The following SPAG1 variants were observed in gnomAD, a reference collection of about 807,000 sequenced individuals.
The protein encoded by SPAG1 is sperm associated antigen 1, also known as sperm-associated antigen 1.
Under a neutral mutation model 100.5 loss-of-function variants are expected in SPAG1, and 69 were observed. The observed-to-expected ratio is 0.69, with a 90% CI of 0.57 to 0.84. The LOEUF (loss-of-function observed/expected upper bound fraction) is 0.84. SPAG1 is among the 40% of genes least tolerant of loss of function. The pLI, the probability that SPAG1 is intolerant of heterozygous loss-of-function variation, is 0.00. For synonymous variants in SPAG1, 336 were observed against 411.6 expected (o/e 0.82, Z 2.22); for missense variants, 955 against 1,133.1 (o/e 0.84, Z 2.26).
chr8:100,234,950 A>C (rs1350872604), intron 16 of SPAG1, among the ~76,000 whole-genome samples: 1 of 152,170 alleles, frequency 6.6e-6, no homozygotes, highest in Non-Finnish European at 1.5e-5. Flanking sequence ...GAGGAAGGTA[A>C]GTGAGAGATC....
intron 10 of SPAG1, among the ~76,000 whole-genome samples, chr8:100,201,749 G>A (rs990011923): frequency 2.6e-5 from 4 of 152,092 alleles, no homozygotes; most frequent in African/African-American, 7.2e-5. Context: ...ACCCTCCCCA[G>A]AGAGGGTCCT....
chr8:100,222,209 G>T (rs773205672), intron 13 of SPAG1, among the ~76,000 whole-genome samples: 24 of 152,138 alleles, frequency 1.6e-4, no homozygotes, highest in Non-Finnish European at 2.9e-4. Flanking sequence ...TACTTGCCCT[G>T]ATCCACTGTC....
intron 14 of SPAG1, among the ~76,000 whole-genome samples, chr8:100,225,998 GTT>G (rs57004927): frequency 3.5e-4 from 46 of 132,044 alleles, no homozygotes; most frequent in Middle Eastern, 3.8e-3. Context: ...ATGCCAGCTA[GTT>G]TTTTTTTTTT....
intron 3 of SPAG1, 130 bp from the exon 4 acceptor site, chr8:100,177,686 T>G: frequency 2.2e-6 from 1 of 459,652 alleles, no homozygotes; most frequent in Non-Finnish European, 3.6e-6. Context: ...ATATTTTTAC[T>G]GAAAAAAATC....
chr8:100,226,776 GA>G (rs1334857955), intron 14 of SPAG1, among the ~76,000 whole-genome samples: 2 of 152,056 alleles, frequency 1.3e-5, no homozygotes, highest in Non-Finnish European at 2.9e-5. Context: ...GAATAAGACT[GA>G]TATGTTTAAA....
intron 15 of SPAG1, among the ~76,000 whole-genome samples, chr8:100,232,044 C>T (rs909366650): frequency 6.6e-6 from 1 of 151,928 alleles, no homozygotes; most frequent in Non-Finnish European, 1.5e-5. Context: ...TCATTTATAG[C>T]GTGCAGCAGG....
chr8:100,164,503 C>A (rs1386581089), intron 2 of SPAG1, among the ~76,000 whole-genome samples: 1 of 152,196 alleles, frequency 6.6e-6, no homozygotes, highest in Non-Finnish European at 1.5e-5. Flanking sequence ...CGGTTCACTG[C>A]AACCTCTGCC....
chr8:100,240,440 G>A lies in SPAG1; in HGVS notation c.2318G>A (p.Gly773Glu). The A allele has an allele frequency of 6.2e-7, 1 of 1,611,568 alleles. No individual in the cohort carries two copies. ...AAGGAGGAGCCTGGAAGACCTGCAG[G>A]GGAGGTCTCCATGGGATGCCTTGCT... The part of the protein sequence containing the change: ...EGKEEPGRPA[G>E]EVSMGCLASE... Residue 773 changes from glycine (G) to glutamate (E), a missense_variant, in exon 18 of 19, where the codon GGG becomes GAG. Transcript: ENST00000388798.
intron 10 of SPAG1, among the ~76,000 whole-genome samples, chr8:100,198,370 A>G (rs1449652879): frequency 6.6e-6 from 1 of 152,180 alleles, no homozygotes; most frequent in Non-Finnish European, 1.5e-5. Context: ...ACAAATGACA[A>G]ACTAGGAAAG....
At chr8:100,208,807 A>C (rs1232169956) in intron 10 of SPAG1, among the ~76,000 whole-genome samples, 1 of 152,090 alleles carries the variant, frequency 6.6e-6, no homozygotes, top group Non-Finnish European at 1.5e-5. Flanking sequence ...TGTACAAAGG[A>C]TAGTTGTATT....
At chr8:100,193,687 T>G (rs1246917846) in intron 9 of SPAG1, among the ~76,000 whole-genome samples, 8 of 152,126 alleles carry the variant, frequency 5.3e-5, no homozygotes. Flanking sequence ...GAGGCTGAGG[T>G]GAGAGGATTG....
chr8:100,213,272 GCGGCGGGCGGCGGCGCCACCGGGCATC>G lies in SPAG1; in HGVS notation c.1283_1309del (p.Ala428_Pro436del). The G allele has an allele frequency of 1.6e-6, 2 of 1,212,874 alleles. No individual in the cohort carries two copies. Among genetic ancestry groups the G allele is most frequent in the South Asian group, 4.1e-5 (1 of 24,410 alleles). 75.1% of individuals were successfully genotyped at this position (1,212,874 alleles called of 1,614,324 possible). ...CCCACGGCGGGCCTCTGCGGCGGCG[GCGGCGGGCGGCGGCGCCACCGGGCATC>G]CGGGCGGCGGGCAGGGCGCGGAGAA... On this transcript the variant is annotated inframe_deletion, in exon 11 of 19. Transcript: ENST00000388798.
chr8:100,197,577 T>C (rs2132300237), intron 10 of SPAG1, among the ~76,000 whole-genome samples: 1 of 152,282 alleles, frequency 6.6e-6, no homozygotes, highest in East Asian at 1.9e-4. Context: ...AAAATCATGT[T>C]AAAGCCCAGA....
intron 2 of SPAG1, among the ~76,000 whole-genome samples, chr8:100,162,756 T>A (rs1199855336): frequency 6.6e-6 from 1 of 152,084 alleles, no homozygotes; most frequent in Non-Finnish European, 1.5e-5. Context: ...AGCAGGTGGA[T>A]CATTTGAGCT....
chr8:100,218,950 G>C (rs888459135), intron 12 of SPAG1, among the ~76,000 whole-genome samples: 12 of 152,192 alleles, frequency 7.9e-5, no homozygotes, highest in African/African-American at 2.9e-4. Flanking sequence ...TCATGACCCA[G>C]GTGATCTAGG....
At chr8:100,199,470 A>T (rs969758571) in intron 10 of SPAG1, among the ~76,000 whole-genome samples, 1 of 151,812 alleles carries the variant, frequency 6.6e-6, no homozygotes, top group Non-Finnish European at 1.5e-5. Flanking sequence ...GTTGAGATGG[A>T]TTTTCACTCT....
Position 100,213,249 on chromosome 8 carries a change from C to G in SPAG1, c.1256C>G (p.Pro419Arg). 8.1e-7 allele frequency: 1 copy of G among 1,227,746 alleles called. No homozygotes were observed. Among genetic ancestry groups the G allele is most frequent in the Non-Finnish European group, 1.0e-6 (1 of 987,698 alleles). The allele number at this position is 1,227,746 out of a possible 1,614,324, so 76.1% of individuals were successfully genotyped here. Residue 419 changes from proline (P) to arginine (R), a missense_variant, in exon 11 of 19, where the codon CCA (proline) becomes CGA (arginine). Pro to Arg is a moderately radical substitution (Grantham distance 103). Transcript: ENST00000388798. ...TPEAGADKRSPRRASAAAAAG... is the reference protein window; with the variant it reads ...TPEAGADKRSRRRASAAAAAG... ...GAGGCCGGCGCGGACAAGCGGAGCC[C>G]ACGGCGGGCCTCTGCGGCGGCGGCG...
intron 10 of SPAG1, among the ~76,000 whole-genome samples, chr8:100,195,193 G>C (rs1249230035): frequency 1.3e-5 from 2 of 151,654 alleles, no homozygotes; most frequent in Non-Finnish European, 2.9e-5. Context: ...AGAAAAAAAG[G>C]TTTTTCCCTC....
intron 3 of SPAG1, among the ~76,000 whole-genome samples, chr8:100,173,503 C>T (rs1439754500): frequency 1.3e-5 from 2 of 152,020 alleles, no homozygotes; most frequent in South Asian, 2.1e-4. Flanking sequence ...GGTTTTTTTG[C>T]TGTATCCCAG....
Sources: gnomAD v4.1 joint callset for allele counts (sites outside exome capture counted in the v4.1 genomes callset) on GRCh38, gnomAD v4.1.1 for gene constraint, MANE v1.5 for transcripts, NCBI Gene and HGNC (gene_info 2026-07-23, HGNC 2026-07-21) for gene names.